The following ZRANB3 variants were observed in gnomAD, a reference collection of about 807,000 sequenced individuals.
ZRANB3 encodes DNA annealing helicase and endonuclease ZRANB3.
In ZRANB3, 125 loss-of-function variants were observed where a neutral mutation model predicts 133.8. The observed-to-expected ratio is 0.93, with a 90% CI of 0.81 to 1.08. The LOEUF (loss-of-function observed/expected upper bound fraction) is 1.08. Among genes scored for constraint, ZRANB3 ranks in the 50% least tolerant of loss-of-function variants. The pLI, the probability that ZRANB3 is intolerant of heterozygous loss-of-function variation, is 0.00. For missense variants in ZRANB3, 1,229 were observed against 1,275.5 expected, an observed-to-expected ratio of 0.96 and a Z score of 0.56; for synonymous variants, 387 against 432.7, an observed-to-expected ratio of 0.89 and a Z score of 1.31.
intron 1 of ZRANB3, among the ~76,000 whole-genome samples, chr2:135,510,388 A>T (rs1276516377): frequency 6.6e-6 from 1 of 152,242 alleles, no homozygotes; most frequent in Non-Finnish European, 1.5e-5. Flanking sequence ...AGGGAGAAGG[A>T]GCACACATCA....
intron 2 of ZRANB3, among the ~76,000 whole-genome samples, chr2:135,444,595 A>G (rs1259038688): frequency 2.0e-5 from 3 of 152,200 alleles, no homozygotes; most frequent in Admixed American, 2.0e-4. Flanking sequence ...CGTGAAATTT[A>G]TAGAAAAGGT....
chr2:135,297,681 T>C (rs1682212318), intron 8 of ZRANB3, among the ~76,000 whole-genome samples: 1 of 152,358 alleles, frequency 6.6e-6, no homozygotes, highest in African/African-American at 2.4e-5. Flanking sequence ...CGCTGGGAGC[T>C]GTAGACTGGA....
intron 2 of ZRANB3, among the ~76,000 whole-genome samples, chr2:135,450,502 C>G (rs900933302): frequency 6.6e-6 from 1 of 152,006 alleles, no homozygotes; most frequent in Non-Finnish European, 1.5e-5. Flanking sequence ...GAAGACCCGG[C>G]ATTTAAACTG....
chr2:135,204,367 A>T (rs1377855998), intron 19 of ZRANB3, among the ~76,000 whole-genome samples: 1 of 152,092 alleles, frequency 6.6e-6, no homozygotes, highest in South Asian at 2.1e-4. Flanking sequence ...GCCTTTTTAA[A>T]CCAATTCCTT....
chr2:135,300,913 G>A lies in ZRANB3; in HGVS notation c.966+12576C>T, dbSNP rs578148234. ...CCAATCCACTGTACCTGACTGCTAA[G>A]AACCTTTAGAATAAATTACAAACTA... On this transcript the variant is annotated intron_variant, in intron 8 of 20. Coordinates refer to ENST00000264159, the MANE Select transcript of ZRANB3 (RefSeq NM_032143.4). 3.9e-5 allele frequency among the ~76,000 whole-genome samples: 6 copies of A among 152,264 alleles called. No homozygotes were observed. In the South Asian group the frequency reaches 1.2e-3, roughly 32 times the overall value.
At chr2:135,389,709 G>T (rs1380615012) in intron 3 of ZRANB3, among the ~76,000 whole-genome samples, 3 of 151,898 alleles carry the variant, frequency 2.0e-5, no homozygotes, top group African/African-American at 7.2e-5. Flanking sequence ...CGTCTCAAAA[G>T]AAGAGACTAC....
At chr2:135,302,424 A>G (rs1196463166) in intron 8 of ZRANB3, among the ~76,000 whole-genome samples, 2 of 152,176 alleles carry the variant, frequency 1.3e-5, no homozygotes, top group Non-Finnish European at 2.9e-5. Context: ...TACCTAATTT[A>G]GGGACAACTA....
chr2:135,370,086 A>C (rs960943594), intron 3 of ZRANB3, among the ~76,000 whole-genome samples: 7 of 149,620 alleles, frequency 4.7e-5, no homozygotes, highest in African/African-American at 1.5e-4. Context: ...ATACACATAC[A>C]GATAAATAGC....
chr2:135,373,132 T>C (rs2104901775), intron 3 of ZRANB3, among the ~76,000 whole-genome samples: 1 of 152,244 alleles, frequency 6.6e-6, no homozygotes, highest in South Asian at 2.1e-4. Flanking sequence ...TCTTTTCTTT[T>C]TTCTGACTAG....
chr2:135,531,081 A>G (rs1694579443), intron 1 of ZRANB3, 46 bp downstream of exon 1: 1 of 152,224 alleles, frequency 6.6e-6, no homozygotes, highest in South Asian at 2.1e-4. Flanking sequence ...ACCCCTAAAA[A>G]GCACTATAAA....
intron 2 of ZRANB3, among the ~76,000 whole-genome samples, chr2:135,467,922 G>A (rs1691069940): frequency 6.6e-6 from 1 of 152,160 alleles, no homozygotes; most frequent in Admixed American, 6.5e-5. Context: ...TTAGTTTTAT[G>A]GCTTGTGAAG....
At position 135,288,508 on chromosome 2, in the gene ZRANB3, C is replaced by CAATTCTTCTTTGAAAGTCTGATAG. The variant is rs575609271; in HGVS notation, c.967-12754_967-12753insCTATCAGACTTTCAAAGAAGAATT. On this transcript the variant is annotated intron_variant, in intron 8 of 20. Transcript: ENST00000264159. ...GGAACAGTTTCAATAGAATTGGTAC[C>CAATTCTTCTTTGAAAGTCTGATAG]AATTCAGTTGTGAATCCATCTGGTC... Among the ~76,000 whole-genome samples, 452 of 151,938 alleles carry CAATTCTTCTTTGAAAGTCTGATAG rather than the reference C, an allele frequency of 3.0e-3. 3 individuals carry two copies. Among genetic ancestry groups the CAATTCTTCTTTGAAAGTCTGATAG allele is most frequent in the African/African-American group, 0.01 (421 of 41,476 alleles).
chr2:135,245,204 A>G (rs1216604034), intron 12 of ZRANB3, among the ~76,000 whole-genome samples: 1 of 152,202 alleles, frequency 6.6e-6, no homozygotes, highest in Non-Finnish European at 1.5e-5. Context: ...GGGCTGCCAT[A>G]AGCTGGAAGG....
At chr2:135,231,472 TA>T (rs1321260458) in intron 12 of ZRANB3, among the ~76,000 whole-genome samples, 11 of 152,094 alleles carry the variant, frequency 7.2e-5, no homozygotes, top group African/African-American at 2.7e-4. Context: ...AGGAAGCTGT[TA>T]ATTAGGCTGG....
chr2:135,510,903 A>C, intron 1 of ZRANB3: 1 of 1,230,782 alleles, frequency 8.1e-7, no homozygotes, highest in Non-Finnish European at 1.2e-6. Flanking sequence ...TTCATGAGGC[A>C]GGTTGCCAAT....
At chr2:135,421,878 CTTTTTTTTTTCCTTTTTT>C (rs1234696662) in intron 2 of ZRANB3, among the ~76,000 whole-genome samples, 1 of 129,772 alleles carries the variant, frequency 7.7e-6, no homozygotes, top group Non-Finnish European at 1.7e-5. Context: ...ACTTTTATTT[CTTTTTTTTTTCCTTTTTT>C]TTTTTTTTTG....
At chr2:135,337,055 C>T (rs1035828079) in intron 6 of ZRANB3, among the ~76,000 whole-genome samples, 2 of 152,126 alleles carry the variant, frequency 1.3e-5, no homozygotes, top group Non-Finnish European at 2.9e-5. Context: ...CGTTTTACAA[C>T]ATGAATAAAA....
At chr2:135,500,263 A>G (rs1692876503) in intron 2 of ZRANB3, among the ~76,000 whole-genome samples, 1 of 152,146 alleles carries the variant, frequency 6.6e-6, no homozygotes, top group African/African-American at 2.4e-5. Context: ...CTATGACCTA[A>G]CAATTCTTCT....
intron 2 of ZRANB3, among the ~76,000 whole-genome samples, chr2:135,416,383 TAG>T (rs1688575542): frequency 6.6e-6 from 1 of 152,036 alleles, no homozygotes; most frequent in Admixed American, 6.6e-5. Context: ...ATAAAATACT[TAG>T]GAATCCAACT....
Sources: gnomAD v4.1 joint callset for allele counts (sites outside exome capture counted in the v4.1 genomes callset) on GRCh38, gnomAD v4.1.1 for gene constraint, MANE v1.5 for transcripts, NCBI Gene and HGNC (gene_info 2026-07-23, HGNC 2026-07-21) for gene names.